The following CAST variants were observed in gnomAD, a reference collection of about 807,000 sequenced individuals.
CAST encodes the protein MIR583 host.
A neutral mutation model predicts 119.6 loss-of-function variants in CAST; 76 were observed. That is an observed-to-expected ratio of 0.64 (90% CI 0.53 to 0.77). CAST has a LOEUF of 0.77. Among genes scored for constraint, CAST ranks in the 30% least tolerant of loss-of-function variants. The probability of loss-of-function intolerance (pLI) is 0.00; values close to 1 mark genes in which losing one functional copy is unlikely to be tolerated. For missense variants in CAST, 953 were observed against 946.5 expected (o/e 1.01, Z -0.09); for synonymous variants, 319 against 331.6 (o/e 0.96, Z 0.41).
the CAST span, among the ~76,000 whole-genome samples, chr5:96,340,557 C>T: frequency 5.3e-5 from 8 of 152,230 alleles, no homozygotes; most frequent in East Asian, 1.5e-3. Context: ...CAGTAATATT[C>T]GTGATGTGTT....
the CAST span, among the ~76,000 whole-genome samples, chr5:96,238,316 C>CTTCTTCTTCTT: frequency 2.6e-5 from 1 of 38,612 alleles, no homozygotes; most frequent in Non-Finnish European, 6.1e-5. Context: ...TCTTCTTCTT[C>CTTCTTCTTCTT]TTCTTCTTCT....
the CAST span, among the ~76,000 whole-genome samples, chr5:95,981,821 G>C: frequency 6.6e-6 from 1 of 152,132 alleles, no homozygotes; most frequent in African/African-American, 2.4e-5. Flanking sequence ...GTTGCAGTGA[G>C]CCGACATCGC....
chr5:96,760,547 A>C (rs1237850760), intron 24 of CAST, among the ~76,000 whole-genome samples: 1 of 151,940 alleles, frequency 6.6e-6, no homozygotes, highest in Non-Finnish European at 1.5e-5. Flanking sequence ...ATCATTAACA[A>C]CACATGAAAA....
the CAST span, among the ~76,000 whole-genome samples, chr5:96,466,151 T>C: frequency 6.6e-6 from 1 of 152,134 alleles, no homozygotes; most frequent in Admixed American, 6.6e-5. Flanking sequence ...ATTCACTAAC[T>C]AGAGTACTAT....
At chr5:96,468,567 A>G in the CAST span, among the ~76,000 whole-genome samples, 1 of 152,154 alleles carries the variant, frequency 6.6e-6, no homozygotes, top group Non-Finnish European at 1.5e-5. Flanking sequence ...AGGTAGAGCC[A>G]TAAATCACCA....
chr5:96,177,460 G>A, the CAST span, among the ~76,000 whole-genome samples: 1 of 152,158 alleles, frequency 6.6e-6, no homozygotes, highest in African/African-American at 2.4e-5. Context: ...CTGACAGCAT[G>A]AATTACTGCA....
the CAST span, among the ~76,000 whole-genome samples, chr5:96,395,270 T>G: frequency 1.3e-5 from 2 of 152,258 alleles, no homozygotes. Context: ...TATGTAAGTC[T>G]TCTTTTCCAT....
the CAST span, among the ~76,000 whole-genome samples, chr5:96,125,906 G>A: frequency 6.6e-6 from 1 of 152,068 alleles, no homozygotes; most frequent in African/African-American, 2.4e-5. Flanking sequence ...TCAGGGTTTT[G>A]ACATTGCTTA....
At chr5:96,210,562 A>G in the CAST span, among the ~76,000 whole-genome samples, 69 of 152,132 alleles carry the variant, frequency 4.5e-4, 1 homozygote, top group African/African-American at 1.6e-3. Flanking sequence ...CTGCCCTTCT[A>G]CCAATATTAT....
chr5:96,559,098 G>C (rs1050502979), intron 1 of CAST, among the ~76,000 whole-genome samples: 6 of 152,042 alleles, frequency 3.9e-5, no homozygotes, highest in African/African-American at 1.4e-4. Flanking sequence ...CAGAACCAAT[G>C]ACAAAAGCCA....
At chr5:96,730,975 T>A in intron 9 of CAST, 115 bp downstream of exon 9, 1 of 742,498 alleles carries the variant, frequency 1.3e-6, no homozygotes, top group Non-Finnish European at 2.4e-6. Flanking sequence ...TGCTTATATG[T>A]AAAATTTTGT....
chr5:96,648,202 A>G (rs1353320854), intron 1 of CAST, among the ~76,000 whole-genome samples: 1 of 151,868 alleles, frequency 6.6e-6, no homozygotes, highest in Non-Finnish European at 1.5e-5. Flanking sequence ...ATGACTTACC[A>G]CCCTCTTTTT....
intron 1 of CAST, among the ~76,000 whole-genome samples, chr5:96,670,120 A>C (rs570356674): frequency 2.8e-4 from 42 of 152,272 alleles, no homozygotes; most frequent in African/African-American, 9.6e-4. Flanking sequence ...GAGAGTCCAG[A>C]GGGTATCAAG....
At chr5:96,497,105 G>A in the CAST span, among the ~76,000 whole-genome samples, 1 of 145,922 alleles carries the variant, frequency 6.9e-6, no homozygotes, top group Non-Finnish European at 1.5e-5. Flanking sequence ...GTGATAACAT[G>A]TGGTGTTTGG....
intron 1 of CAST, among the ~76,000 whole-genome samples, chr5:96,625,765 C>T (rs533816724): frequency 3.3e-4 from 51 of 152,296 alleles, no homozygotes; most frequent in Non-Finnish European, 8.8e-5. Flanking sequence ...GTTGCAGCTT[C>T]GTTGGATGCA....
In CAST at chr5:96,768,010, T is replaced by G. The variant is rs755329078; in HGVS notation, c.2268+11T>G. 6.4e-7 allele frequency: 1 copy of G among 1,557,654 alleles called. No homozygotes were observed. The highest frequency in any genetic ancestry group is 1.7e-5 in the Admixed American group (1 of 59,836). The stretch of plus-strand genomic sequence containing the variant: ...CAGAACACAGCAAAGGTACTGTGCT[T>G]TTTCACATTTCACTCTTTGAAATGT... On this transcript the variant is annotated intron_variant, in intron 29 of 31. Transcript: ENST00000675179.
the CAST span, chr5:95,961,698 GC>G: frequency 6.2e-7 from 1 of 1,602,420 alleles, no homozygotes; most frequent in African/African-American, 1.4e-5. Context: ...CCTCCCGCAG[GC>G]CCCCTGTCCC....
the CAST span, among the ~76,000 whole-genome samples, chr5:96,477,676 A>G: frequency 2.0e-5 from 3 of 152,140 alleles, no homozygotes; most frequent in Non-Finnish European, 4.4e-5. Context: ...TTCTCTACTC[A>G]TCATTATCCC....
At chr5:96,237,432 T>A in the CAST span, among the ~76,000 whole-genome samples, 4 of 152,190 alleles carry the variant, frequency 2.6e-5, no homozygotes, top group African/African-American at 9.7e-5. Context: ...GAATTAGGGA[T>A]TTATTAGTTT....
Sources: gnomAD v4.1 joint callset for allele counts (sites outside exome capture counted in the v4.1 genomes callset) on GRCh38, gnomAD v4.1.1 for gene constraint, MANE v1.5 for transcripts, NCBI Gene and HGNC (gene_info 2026-07-23, HGNC 2026-07-21) for gene names.